The following DNAH7 variants were observed in gnomAD, a reference collection of about 807,000 sequenced individuals.
DNAH7 encodes the protein dynein axonemal heavy chain 7.
Under a neutral mutation model 444.6 loss-of-function variants are expected in DNAH7, and 397 were observed. The observed-to-expected ratio is 0.89, with a 90% CI of 0.82 to 0.97. DNAH7 has a LOEUF of 0.97. DNAH7 is among the 50% of genes least tolerant of loss of function. The pLI is 0.00. For missense variants in DNAH7, 4,902 were observed against 4,800.8 expected (o/e 1.02, Z -0.62); for synonymous variants, 1,636 against 1,624.4 (o/e 1.01, Z -0.17).
At chr2:195,906,075 A>C (rs1686995320) in intron 27 of DNAH7, among the ~76,000 whole-genome samples, 1 of 152,092 alleles carries the variant, frequency 6.6e-6, no homozygotes, top group Non-Finnish European at 1.5e-5. Context: ...TGCTCATGAT[A>C]TAATATTAAC....
intron 63 of DNAH7, among the ~76,000 whole-genome samples, chr2:195,753,056 A>C (rs1038971968): frequency 6.6e-6 from 1 of 152,210 alleles, no homozygotes; most frequent in Non-Finnish European, 1.5e-5. Context: ...GGCTGACAAG[A>C]AGTATCTACT....
intron 46 of DNAH7, among the ~76,000 whole-genome samples, chr2:195,846,236 G>A (rs544118106): frequency 5.3e-5 from 8 of 152,208 alleles, no homozygotes; most frequent in Non-Finnish European, 1.0e-4. Flanking sequence ...AGACATACAC[G>A]CAGCCACAAG....
At chr2:196,003,838 C>T (rs1263089809) in intron 10 of DNAH7, among the ~76,000 whole-genome samples, 3 of 152,150 alleles carry the variant, frequency 2.0e-5, no homozygotes, top group Admixed American at 6.5e-5. Flanking sequence ...TGCTAAGAGT[C>T]TCAGAGTTTC....
chr2:195,994,359 A>T, intron 12 of DNAH7: 1 of 662,588 alleles, frequency 1.5e-6, no homozygotes, highest in Non-Finnish European at 2.6e-6. Context: ...CTCTTGCAGC[A>T]GGGGAGGCAG....
rs529820150 is a variant in DNAH7, at chr2:195,999,928, A to G, written c.1353+776T>C. 7.9e-5 allele frequency among the ~76,000 whole-genome samples: 12 copies of G among 152,296 alleles called. No homozygotes were observed. The South Asian group carries it at 2.3e-3, about 29-fold the overall frequency. ...AGCCTATTTTTCAAAATTAAGAACA[A>G]AAGCTCAAAACTTCAAGATAGTGAT... On this transcript the variant is annotated intron_variant, in intron 12 of 64. Coordinates refer to ENST00000312428, the MANE Select transcript of DNAH7 (RefSeq NM_018897.3).
At chr2:195,885,937 A>T (rs1478018628) in intron 34 of DNAH7, among the ~76,000 whole-genome samples, 2 of 152,212 alleles carry the variant, frequency 1.3e-5, no homozygotes, top group Non-Finnish European at 2.9e-5. Context: ...CCCGAACCTC[A>T]TGATGCATCA....
chr2:195,824,208 C>A, intron 49 of DNAH7, 47 bp downstream of exon 49: 1 of 1,524,254 alleles, frequency 6.6e-7, no homozygotes, highest in South Asian at 1.3e-5. Flanking sequence ...AATATATAGT[C>A]ACTAATTACA....
Position 195,892,312 on chromosome 2 carries a change from C to T in DNAH7, c.4897-508G>A, listed in dbSNP as rs140331389. 1.6e-3 allele frequency among the ~76,000 whole-genome samples: 241 copies of T among 152,184 alleles called. 8 individuals are homozygous for T. The East Asian group carries it at 0.044, about 28-fold the overall frequency. ...CCCATGTACTGTAATTTGCTGACCC[C>T]TGCTACAAAACAACCTCTGAGAGAA... On this transcript the variant is annotated intron_variant, in intron 30 of 64. Transcript: ENST00000312428.
intron 48 of DNAH7, among the ~76,000 whole-genome samples, chr2:195,828,621 T>TC (rs1697908331): frequency 6.7e-6 from 1 of 149,026 alleles, no homozygotes; most frequent in Admixed American, 6.7e-5. Flanking sequence ...TTTTTTTTTT[T>TC]TTTTTCTATT....
chr2:196,047,297 C>T (rs1018754532), intron 5 of DNAH7, 55 bp downstream of exon 5: 20 of 1,429,212 alleles, frequency 1.4e-5, no homozygotes, highest in East Asian at 4.9e-5. Context: ...TTAGGTTAAA[C>T]GTTGCCAGGG....
chr2:195,858,500 C>G lies in DNAH7; in HGVS notation c.8041G>C (p.Ala2681Pro). 1 of 1,609,866 alleles carries G rather than the reference C, an allele frequency of 6.2e-7. No individual in the cohort carries two copies. Among genetic ancestry groups the G allele is most frequent in the Non-Finnish European group, 8.5e-7 (1 of 1,177,824 alleles). The change falls in exon 43 of 65, where the codon GCC becomes CCC. Residue 2681 changes from alanine to proline, a missense_variant. Transcript: ENST00000312428. The part of the protein sequence containing the change: ...GALPILESAL[A>P]ALDTLTAQDI... ...TGTGCAGTAAGAGTATCAAGGGCGG[C>G]CAGTGCTGACTCTAATATTGGCAAG... is the stretch of plus-strand genomic sequence containing the variant.
intron 61 of DNAH7, among the ~76,000 whole-genome samples, chr2:195,769,595 T>G (rs1694742343): frequency 6.6e-6 from 1 of 152,072 alleles, no homozygotes; most frequent in African/African-American, 2.4e-5. Context: ...GCATCAGCCC[T>G]GGGTCTAGGG....
chr2:196,056,988 G>A (rs765485039), intron 2 of DNAH7, among the ~76,000 whole-genome samples: 46 of 152,058 alleles, frequency 3.0e-4, no homozygotes, highest in Non-Finnish European at 5.9e-4. Flanking sequence ...AGCTCACAGG[G>A]GCTGAGAGCC....
At chr2:196,065,063 A>G (rs574940170) in intron 1 of DNAH7, among the ~76,000 whole-genome samples, 35 of 152,276 alleles carry the variant, frequency 2.3e-4, no homozygotes, top group South Asian at 1.0e-3. Flanking sequence ...CTAATTTACT[A>G]TGATTCCTGA....
chr2:195,810,932 C>T (rs1379786923), intron 51 of DNAH7, among the ~76,000 whole-genome samples: 1 of 152,156 alleles, frequency 6.6e-6, no homozygotes, highest in Non-Finnish European at 1.5e-5. Context: ...GGGTGACTCA[C>T]ATTTGGTCTT....
At position 195,759,817 on chromosome 2, in the gene DNAH7, AC is replaced by A. The variant is rs1216174594; in HGVS notation, c.11434-3533del. Among the ~76,000 whole-genome samples, 3 of 152,102 alleles carry A rather than the reference AC, an allele frequency of 2.0e-5. No homozygotes were observed. In the East Asian group the frequency reaches 5.8e-4, roughly 29 times the overall value. On this transcript the variant is annotated intron_variant, in intron 61 of 64. Transcript: ENST00000312428. ...CAGTGAGCCAAGATTGTGCCGCTGC[AC>A]TCCAGCCTGGTTGACAAAGTGAGAC...
At chr2:195,881,292 C>G (rs994803484) in intron 36 of DNAH7, among the ~76,000 whole-genome samples, 1 of 152,172 alleles carries the variant, frequency 6.6e-6, no homozygotes, top group African/African-American at 2.4e-5. Flanking sequence ...GAGGGGCCCT[C>G]AAAAGTATCT....
Position 195,858,744 on chromosome 2 carries a change from T to C in DNAH7, c.7797A>G (p.Ser2599=). 1.2e-6 allele frequency: 2 copies of C among 1,613,916 alleles called. No individual in the cohort carries two copies. The highest frequency in any genetic ancestry group is 1.7e-6 in the Non-Finnish European group (2 of 1,179,904). The change falls in exon 43 of 65, where the codon TCA becomes TCG. Residue 2599 remains serine (S), a synonymous_variant. Coordinates refer to ENST00000312428, the MANE Select transcript of DNAH7 (RefSeq NM_018897.3). ...EVGLEKLDSA[S]SQVATMQMEL... ...CCATCTGCATTGTGGCTACTTGAGA[T>C]GAAGCAGAATCCAGTTTCTCCAAAC...
intron 63 of DNAH7, among the ~76,000 whole-genome samples, chr2:195,750,522 C>G (rs975287563): frequency 1.3e-5 from 2 of 152,186 alleles, no homozygotes; most frequent in East Asian, 3.8e-4. Context: ...AACCATAACT[C>G]CTTTAAGAAA....
Sources: gnomAD v4.1 joint callset for allele counts (sites outside exome capture counted in the v4.1 genomes callset) on GRCh38, gnomAD v4.1.1 for gene constraint, MANE v1.5 for transcripts, NCBI Gene and HGNC (gene_info 2026-07-23, HGNC 2026-07-21) for gene names.